CCDC102A: variants seen among roughly 807,000 people sequenced by gnomAD.
CCDC102A encodes coiled-coil domain containing 102A, also known as coiled-coil domain-containing protein 102A.
A neutral mutation model predicts 55.5 loss-of-function variants in CCDC102A; 40 were observed. The observed-to-expected ratio is 0.72, with a 90% confidence interval of 0.56 to 0.94. The LOEUF (loss-of-function observed/expected upper bound fraction) is 0.94. Ranked by LOEUF, CCDC102A falls within the 40% of genes least tolerant of loss-of-function variation. CCDC102A has a pLI of 0.00. For missense variants in CCDC102A, 779 were observed against 768.6 expected (o/e 1.01, Z -0.16); for synonymous variants, 323 against 339.0 (o/e 0.95, Z 0.52).
chr16:57,529,013 C>T lies in CCDC102A; in HGVS notation c.165G>A (p.Leu55=), dbSNP rs2032201330. The T allele has an allele frequency of 1.8e-6, 2 of 1,107,866 alleles. No homozygotes were observed. The highest frequency in any genetic ancestry group is 3.4e-5 in the African/African-American group (2 of 58,778). The allele number at this position is 1,107,866 out of a possible 1,614,324, so 68.6% of individuals were successfully genotyped here. The part of the protein sequence containing the change: ...GTPSPGPPPA[L]PLPPAPALLA... ...GCAGCGCGGGCGCGGGGGGCAGGGGCAGTGCGGGCGGCGGCCCGGGCGAGG... is the reference window on the plus strand; with the variant it reads ...GCAGCGCGGGCGCGGGGGGCAGGGGTAGTGCGGGCGGCGGCCCGGGCGAGG... Residue 55 remains leucine, a synonymous_variant, in exon 2 of 9, where the codon CTG becomes CTA. Coordinates refer to ENST00000258214, the MANE Select transcript of CCDC102A (RefSeq NM_033212.4). This position sits in a 1 kb window ranked among gnomAD's most constrained non-coding sequence, Gnocchi z 4.1.
At chr16:57,518,023 G>A in intron 6 of CCDC102A, 45 bp downstream of exon 6, 1 of 1,538,086 alleles carries the variant, frequency 6.5e-7, no homozygotes, top group Non-Finnish European at 8.7e-7. Context: ...TGGCTGGATG[G>A]GGAGGTGGCA....
Position 57,512,511 on chromosome 16 carries a change from T to G in CCDC102A, c.*230A>C. Reference sequence around the variant, plus strand: ...CCAAATGGGTCCAAAGACTTCTGGGTGTGCGCGCGCGCGCGCGCGTGTGTG... The same window carrying G: ...CCAAATGGGTCCAAAGACTTCTGGGGGTGCGCGCGCGCGCGCGCGTGTGTG... On this transcript the variant is annotated 3_prime_UTR_variant, in exon 9 of 9. Transcript: ENST00000258214. 2.3e-6 allele frequency: 1 copy of G among 441,102 alleles called. No homozygotes were observed. The highest frequency in any genetic ancestry group is 3.9e-6 in the Non-Finnish European group (1 of 255,580). 27.3% of individuals were successfully genotyped at this position (441,102 alleles called of 1,614,324 possible).
chr16:57,528,063 G>A (rs1488431829), intron 2 of CCDC102A, among the ~76,000 whole-genome samples: 2 of 152,142 alleles, frequency 1.3e-5, no homozygotes, highest in African/African-American at 2.4e-5. Context: ...TCCTGCTGCC[G>A]CAGCCACAGC....
At chr16:57,520,737 C>T (rs982053392) in intron 4 of CCDC102A, among the ~76,000 whole-genome samples, 4 of 151,838 alleles carry the variant, frequency 2.6e-5, no homozygotes, top group East Asian at 1.9e-4. Context: ...TCCAGGAGTT[C>T]GAGACCAGTC....
In CCDC102A at chr16:57,512,779, G is replaced by T. The variant is rs189560794; in HGVS notation, c.1615C>A (p.Leu539Met). Residue 539 changes from leucine (L) to methionine (M), a missense_variant, in exon 9 of 9, where the codon CTG (leucine) becomes ATG (methionine). Transcript: ENST00000258214. ...TEEAEDGTSD[L>M]DEDEDLQIQV... Reference sequence around the variant, plus strand: ...ATTTGCAGGTCCTCGTCCTCGTCCAGGTCACTGGTTCCATCCTCGGCCTCC... The same window carrying T: ...ATTTGCAGGTCCTCGTCCTCGTCCATGTCACTGGTTCCATCCTCGGCCTCC... 80 of 1,614,166 alleles carry T rather than the reference G, an allele frequency of 5.0e-5. No individual in the cohort carries two copies. Among genetic ancestry groups the T allele is most frequent in the Non-Finnish European group, 6.7e-5 (79 of 1,180,000 alleles).
intron 1 of CCDC102A, 109 bp downstream of exon 1, chr16:57,536,391 C>A: frequency 6.6e-6 from 1 of 152,414 alleles, no homozygotes; most frequent in Non-Finnish European, 1.5e-5. Flanking sequence ...TCTGCTCCTC[C>A]AGCACGCCCC....
At chr16:57,527,043 G>A (rs2032149642) in intron 2 of CCDC102A, among the ~76,000 whole-genome samples, 4 of 152,214 alleles carry the variant, frequency 2.6e-5, no homozygotes, top group Admixed American at 2.6e-4. Flanking sequence ...GATAGGACAG[G>A]AACAGCATTG....
intron 1 of CCDC102A, among the ~76,000 whole-genome samples, chr16:57,532,615 C>T (rs769096685): frequency 3.3e-5 from 5 of 152,106 alleles, no homozygotes; most frequent in Non-Finnish European, 7.4e-5. Context: ...GACACAGACA[C>T]GCCTGAAGAC....
At position 57,520,536 on chromosome 16, in the gene CCDC102A, AATAACATAACATAACATAACATAAC is replaced by A. The variant is rs56888001; in HGVS notation, c.921+507_921+531del. Among the ~76,000 whole-genome samples, 32 of 124,710 alleles carry A rather than the reference AATAACATAACATAACATAACATAAC, an allele frequency of 2.6e-4. No homozygotes were observed. The East Asian group carries it at 3.6e-3, about 14-fold the overall frequency. 81.8% of individuals were successfully genotyped at this position (124,710 alleles called of 152,430 possible). ...CCAGCACTCAGAACAACTCAGAAAA[AATAACATAACATAACATAACATAAC>A]ATAACATAACATAACATAACATAAC... On this transcript the variant is annotated intron_variant, in intron 4 of 8. Transcript: ENST00000258214.
At position 57,529,285 on chromosome 16, in the gene CCDC102A, C is replaced by A; in HGVS notation, c.-108G>T. 1 of 1,118,376 alleles carries A rather than the reference C, an allele frequency of 8.9e-7. No individual in the cohort carries two copies. Among genetic ancestry groups the A allele is most frequent in the African/African-American group, 1.7e-5 (1 of 59,764 alleles). 69.3% of individuals were successfully genotyped at this position (1,118,376 alleles called of 1,614,324 possible). On this transcript the variant is annotated 5_prime_UTR_variant, in exon 2 of 9. Transcript: ENST00000258214. This position sits in a 1 kb window ranked among gnomAD's most constrained non-coding sequence, Gnocchi z 4.1. Reference sequence around the variant, plus strand: ...CTGTGCATGATGACGCCGTGCCCCGCTTCCCTCTGGGCCACCGGGCGGAGG... The same window carrying A: ...CTGTGCATGATGACGCCGTGCCCCGATTCCCTCTGGGCCACCGGGCGGAGG...
intron 1 of CCDC102A, among the ~76,000 whole-genome samples, chr16:57,532,764 C>T (rs2032292685): frequency 6.6e-6 from 1 of 152,160 alleles, no homozygotes; most frequent in Admixed American, 6.5e-5. Flanking sequence ...CCTCCTTTTC[C>T]TGGCCTAGCT....
chr16:57,518,088 C>T lies in CCDC102A; in HGVS notation c.1228G>A (p.Ala410Thr), dbSNP rs780307321. Residue 410 changes from alanine (A) to threonine (T), a missense_variant, in exon 6 of 9, where the codon GCG becomes ACG. Physicochemically the swap from Ala to Thr is moderately conservative, Grantham distance 58. Transcript: ENST00000258214. ...CCCACCTTGTTCTTCTCGAAGAGCG[C>T]GGCCTGGCTGGCCCTCAGGTCGCAG... ...LDCDLRASQA[A>T]LFEKNKELAD... is the part of the protein sequence containing the mutation. 1.2e-5 allele frequency: 19 copies of T among 1,603,078 alleles called. No individual in the cohort carries two copies. The Admixed American group carries it at 1.3e-4, about 11-fold the overall frequency.
chr16:57,528,607 G>C lies in CCDC102A; in HGVS notation c.571C>G (p.Pro191Ala). 7.9e-7 allele frequency: 1 copy of C among 1,266,740 alleles called. No homozygotes were observed. Among genetic ancestry groups the C allele is most frequent in the Non-Finnish European group, 1.0e-6 (1 of 998,900 alleles). 78.5% of individuals were successfully genotyped at this position (1,266,740 alleles called of 1,614,324 possible). A position where few individuals can be genotyped will look rare whatever the true frequency, so the allele number is the denominator to read the frequency against. Residue 191 changes from proline (P) to alanine (A), a missense_variant, in exon 2 of 9, where the codon CCG becomes GCG. By Grantham distance (27) the Pro-to-Ala change is conservative. Coordinates refer to ENST00000258214, the MANE Select transcript of CCDC102A (RefSeq NM_033212.4). ...EPVRDVGSER[P>A]PGSQELELVE... Reference sequence around the variant, plus strand: ...GCGCCGCGCACCTGGCTGCCTGGCGGCCTCTCGGACCCGACGTCACGCACT... The same window carrying C: ...GCGCCGCGCACCTGGCTGCCTGGCGCCCTCTCGGACCCGACGTCACGCACT...
At chr16:57,532,184 C>T (rs531037697) in intron 1 of CCDC102A, among the ~76,000 whole-genome samples, 16 of 152,240 alleles carry the variant, frequency 1.1e-4, no homozygotes, top group East Asian at 7.7e-4. Flanking sequence ...GCCCTATACC[C>T]GAGAGAGTCA....
At chr16:57,515,252 C>T (rs1175574757) in intron 8 of CCDC102A, 89 bp downstream of exon 8, 23 of 828,190 alleles carry the variant, frequency 2.8e-5, no homozygotes, top group Middle Eastern at 2.2e-4. Flanking sequence ...TCGTCTCCCC[C>T]TCCAGCCTTG....
At chr16:57,527,738 T>A (rs2032165775) in intron 2 of CCDC102A, among the ~76,000 whole-genome samples, 1 of 152,348 alleles carries the variant, frequency 6.6e-6, no homozygotes, top group African/African-American at 2.4e-5. Flanking sequence ...TGAATCTCTC[T>A]GTGCCTCAGG....
chr16:57,522,772 C>T (rs1410337631), intron 3 of CCDC102A, among the ~76,000 whole-genome samples: 2 of 152,330 alleles, frequency 1.3e-5, no homozygotes, highest in East Asian at 1.9e-4. Context: ...TTATAACTAT[C>T]GTCACTATCA....
intron 8 of CCDC102A, among the ~76,000 whole-genome samples, chr16:57,514,594 C>G (rs1044782845): frequency 6.6e-6 from 1 of 152,190 alleles, no homozygotes; most frequent in Non-Finnish European, 1.5e-5. Context: ...AAGAAACTGA[C>G]ACAGAGAGGT....
At chr16:57,524,602 G>T (rs62036073) in intron 3 of CCDC102A, among the ~76,000 whole-genome samples, 2 of 75,648 alleles carry the variant, frequency 2.6e-5, no homozygotes, top group Non-Finnish European at 5.1e-5. Flanking sequence ...TATATAGAGA[G>T]AGAGACAGGG....
Sources: allele counts gnomAD v4.1 joint callset (sites outside exome capture counted in the v4.1 genomes callset), GRCh38; gene constraint gnomAD v4.1.1; non-coding constraint Gnocchi (gnomAD v3.1); transcripts MANE v1.5; gene names NCBI Gene and HGNC (gene_info 2026-07-23, HGNC 2026-07-21).